TMCO6: variants seen among roughly 807,000 people sequenced by gnomAD.
The protein encoded by TMCO6 is transmembrane and coiled-coil domain-containing protein 6.
Under a neutral mutation model 61.8 loss-of-function variants are expected in TMCO6, and 47 were observed. That is an observed-to-expected ratio of 0.76 (90% CI 0.60 to 0.97). The LOEUF is 0.97. Among genes scored for constraint, TMCO6 ranks in the 50% least tolerant of loss-of-function variants. TMCO6 has a pLI of 0.00. For synonymous variants in TMCO6, 261 were observed against 254.2 expected (o/e 1.03, Z -0.25); for missense variants, 557 against 601.6 (o/e 0.93, Z 0.78).
the TMCO6 span, among the ~76,000 whole-genome samples, chr5:140,620,621 G>T: frequency 1.3e-5 from 2 of 152,198 alleles, no homozygotes; most frequent in African/African-American, 4.8e-5. Context: ...CTATGCATGT[G>T]TCAGACCCAG....
the TMCO6 span, among the ~76,000 whole-genome samples, chr5:140,623,678 C>G: frequency 6.6e-6 from 1 of 152,170 alleles, no homozygotes; most frequent in Non-Finnish European, 1.5e-5. Flanking sequence ...AGGCCTCAAA[C>G]CATAGAGTCA....
Position 140,642,587 on chromosome 5 carries a change from C to A in TMCO6, c.605C>A (p.Ser202Tyr). The change falls in exon 6 of 12, where the codon TCC (serine) becomes TAC (tyrosine). Residue 202 changes from serine (S) to tyrosine (Y), a missense_variant and splice_region_variant. By Grantham distance (144) the Ser-to-Tyr change is moderately radical. Coordinates refer to ENST00000394671, the MANE Select transcript of TMCO6 (RefSeq NM_018502.5). The stretch of plus-strand genomic sequence containing the variant: ...GATCCTTACCCTGTCTACTTCCAGT[C>A]CCCCCATGTGGCTGTGCTGGAAGCT... The part of the protein sequence containing the change: ...IVPALAACIQ[S>Y]PHVAVLEALG... 5 of 1,614,042 alleles carry A rather than the reference C, an allele frequency of 3.1e-6. No individual in the cohort carries two copies. The highest frequency in any genetic ancestry group is 4.2e-6 in the Non-Finnish European group (5 of 1,179,908).
intron 4 of TMCO6, 92 bp downstream of exon 4, chr5:140,642,145 A>G: frequency 6.6e-7 from 1 of 1,517,862 alleles, no homozygotes; most frequent in Non-Finnish European, 9.0e-7. Context: ...GAGGAAGAAA[A>G]CATGTTTGCC....
the TMCO6 span, among the ~76,000 whole-genome samples, chr5:140,613,070 A>G: frequency 1.3e-5 from 2 of 152,290 alleles, no homozygotes; most frequent in African/African-American, 4.8e-5. Flanking sequence ...CTGTGAAGAA[A>G]ATCATGCATG....
chr5:140,621,758 G>C, the TMCO6 span, among the ~76,000 whole-genome samples: 1 of 152,196 alleles, frequency 6.6e-6, no homozygotes, highest in Non-Finnish European at 1.5e-5. Context: ...CTGAGAAAGA[G>C]AATGCACACC....
the TMCO6 span, chr5:140,632,805 T>C: frequency 1.2e-6 from 2 of 1,613,848 alleles, no homozygotes; most frequent in Non-Finnish European, 1.7e-6. The surrounding 1 kb of genome is among the most constrained non-coding windows in gnomAD (Gnocchi z 6.2). Flanking sequence ...ACCGCCGGCA[T>C]GGATCTCCAC....
In TMCO6 at chr5:140,641,784, A is replaced by C. The variant is rs1757051007; in HGVS notation, c.314+4A>C. On this transcript the variant is annotated splice_donor_region_variant and intron_variant, in intron 3 of 11. Coordinates refer to ENST00000394671, the MANE Select transcript of TMCO6 (RefSeq NM_018502.5). Reference sequence around the variant, plus strand: ...AAACACAGCAAACCTTCATCCGGTCAGTGTGGATGGTGTGGTGGAGGGAGG... The same window carrying C: ...AAACACAGCAAACCTTCATCCGGTCCGTGTGGATGGTGTGGTGGAGGGAGG... The C allele has an allele frequency of 6.2e-7, 1 of 1,614,088 alleles. No individual in the cohort carries two copies. The highest frequency in any genetic ancestry group is 1.1e-5 in the South Asian group (1 of 91,092).
chr5:140,618,010 T>C, the TMCO6 span, among the ~76,000 whole-genome samples: 1 of 152,166 alleles, frequency 6.6e-6, no homozygotes, highest in African/African-American at 2.4e-5. Context: ...ACTACCTGAC[T>C]TCAAGATACT....
chr5:140,625,141 T>C, the TMCO6 span, among the ~76,000 whole-genome samples: 2 of 152,186 alleles, frequency 1.3e-5, no homozygotes, highest in Non-Finnish European at 2.9e-5. Flanking sequence ...CGTGAGTCAC[T>C]GCACCCGGCC....
the TMCO6 span, among the ~76,000 whole-genome samples, chr5:140,608,041 C>T: frequency 4.6e-5 from 7 of 152,286 alleles, no homozygotes; most frequent in Non-Finnish European, 7.4e-5. Context: ...CTGCCCGCCT[C>T]GGCCTCTCCA....
chr5:140,623,008 A>G, the TMCO6 span, among the ~76,000 whole-genome samples: 1 of 152,152 alleles, frequency 6.6e-6, no homozygotes, highest in Non-Finnish European at 1.5e-5. Context: ...ATGAGCCACC[A>G]TGTCTGGCTT....
At chr5:140,634,700 C>T (rs1187611402), upstream of TMCO6, among the ~76,000 whole-genome samples, 1 of 152,078 alleles carries the variant, frequency 6.6e-6, no homozygotes, top group African/African-American at 2.4e-5. Context: ...TGACCAGGCA[C>T]TCCTGACCTC....
chr5:140,646,201 G>A (rs1357959608), downstream of TMCO6, among the ~76,000 whole-genome samples: 1 of 151,980 alleles, frequency 6.6e-6, no homozygotes, highest in Non-Finnish European at 1.5e-5. Flanking sequence ...AGTAGAGACG[G>A]GGTTTTACCA....
the TMCO6 span, among the ~76,000 whole-genome samples, chr5:140,601,307 G>A: frequency 1.6e-4 from 24 of 152,266 alleles, no homozygotes; most frequent in Admixed American, 6.5e-4. Flanking sequence ...GGGGTATGGG[G>A]TGGTGGTGGT....
At chr5:140,612,301 T>G in the TMCO6 span, among the ~76,000 whole-genome samples, 1 of 151,444 alleles carries the variant, frequency 6.6e-6, no homozygotes, top group Non-Finnish European at 1.5e-5. Context: ...GGCACATTAT[T>G]CAGCCTTGCT....
chr5:140,598,252 G>T, the TMCO6 span, among the ~76,000 whole-genome samples: 36 of 151,490 alleles, frequency 2.4e-4, no homozygotes, highest in African/African-American at 8.5e-4. Context: ...TGTTGCCCAG[G>T]CTGGAGTGCA....
chr5:140,599,548 C>T, the TMCO6 span, among the ~76,000 whole-genome samples: 2 of 152,174 alleles, frequency 1.3e-5, no homozygotes, highest in African/African-American at 2.4e-5. Flanking sequence ...CTTGGAACTG[C>T]GATTATAAAC....
the TMCO6 span, among the ~76,000 whole-genome samples, chr5:140,618,980 T>A: frequency 0.51 from 77,057 of 151,910 alleles, 19,837 homozygotes; most frequent in Non-Finnish European, 0.52. Flanking sequence ...AATCTAAATT[T>A]AAAATTTAAA....
the TMCO6 span, among the ~76,000 whole-genome samples, chr5:140,602,535 A>T: frequency 2.0e-5 from 3 of 152,066 alleles, no homozygotes; most frequent in East Asian, 3.9e-4. Flanking sequence ...AGGCTGAGGC[A>T]CGTGGATCAC....
Sources: gnomAD v4.1 joint callset for allele counts (sites outside exome capture counted in the v4.1 genomes callset) on GRCh38, gnomAD v4.1.1 for gene constraint, Gnocchi (gnomAD v3.1) non-coding constraint, MANE v1.5 for transcripts, NCBI Gene and HGNC (gene_info 2026-07-23, HGNC 2026-07-21) for gene names.